The following SYT14 variants were observed in gnomAD, a reference collection of about 807,000 sequenced individuals.
The protein encoded by SYT14 is synaptotagmin 14.
A neutral mutation model predicts 74.2 loss-of-function variants in SYT14; 32 were observed. The ratio of observed to expected loss-of-function variants is 0.43; its 90% CI spans 0.33 to 0.58. The LOEUF is 0.58. SYT14 is among the 20% of genes least tolerant of loss of function. The pLI is 0.05. For missense variants in SYT14, 791 were observed against 981.8 expected, an observed-to-expected ratio of 0.81 and a Z score of 2.60; for synonymous variants, 298 against 337.7, an observed-to-expected ratio of 0.88 and a Z score of 1.29.
At chr1:210,161,389 C>A (rs1374735090) in exon 10 of SYT14, 2 of 457,346 alleles carry the variant, frequency 4.4e-6, no homozygotes, top group African/African-American at 4.0e-5. Flanking sequence ...TTTTAAAAAC[C>A]AGAATTTTAG....
chr1:210,074,622 C>T (rs936192900), intron 5 of SYT14, among the ~76,000 whole-genome samples: 2 of 152,216 alleles, frequency 1.3e-5, no homozygotes, highest in African/African-American at 4.8e-5. Flanking sequence ...TCTTTACTGT[C>T]GGAAGAAAAT....
intron 5 of SYT14, among the ~76,000 whole-genome samples, chr1:210,073,454 T>TA (rs907614067): frequency 3.9e-5 from 6 of 151,938 alleles, no homozygotes; most frequent in South Asian, 2.1e-4. Flanking sequence ...AATGAAAAAA[T>TA]AAAAAAAATC....
intron 5 of SYT14, among the ~76,000 whole-genome samples, chr1:210,092,513 A>G (rs1348522262): frequency 6.6e-6 from 1 of 152,224 alleles, no homozygotes; most frequent in Admixed American, 6.5e-5. Flanking sequence ...GAGTCAAGTC[A>G]GTCTGCCAGC....
chr1:210,027,987 A>G (rs924181815), intron 5 of SYT14, among the ~76,000 whole-genome samples: 10 of 152,170 alleles, frequency 6.6e-5, no homozygotes, highest in African/African-American at 7.2e-5. Context: ...TTGTACAACC[A>G]TCACCACTAT....
At chr1:209,985,126 C>T (rs909263271) in intron 2 of SYT14, among the ~76,000 whole-genome samples, 1 of 152,148 alleles carries the variant, frequency 6.6e-6, no homozygotes, top group Admixed American at 6.5e-5. Context: ...CCAATAGTCC[C>T]CCAAAGTTTT....
chr1:209,971,577 G>T (rs187466505), intron 2 of SYT14, among the ~76,000 whole-genome samples: 1 of 152,224 alleles, frequency 6.6e-6, no homozygotes, highest in Admixed American at 6.5e-5. Flanking sequence ...CTAGTTTGTT[G>T]AGGGTTTTTA....
At chr1:210,060,398 G>GT (rs372449870) in intron 5 of SYT14, among the ~76,000 whole-genome samples, 86,272 of 151,836 alleles carry the variant, frequency 0.57, 26,582 homozygotes, top group African/African-American at 0.82. Context: ...AAAATAAACT[G>GT]GTATGCGGTT....
At chr1:210,134,212 C>T (rs1238679178) in intron 7 of SYT14, among the ~76,000 whole-genome samples, 2 of 152,048 alleles carry the variant, frequency 1.3e-5, no homozygotes, top group African/African-American at 4.8e-5. Context: ...AAGCGATCCT[C>T]CCACCTCAGC....
chr1:210,093,579 G>A (rs2081916064), intron 5 of SYT14, among the ~76,000 whole-genome samples: 1 of 152,188 alleles, frequency 6.6e-6, no homozygotes, highest in Non-Finnish European at 1.5e-5. Flanking sequence ...GAAAGAAAAT[G>A]TGGTTTCATG....
At position 210,052,685 on chromosome 1, in the gene SYT14, G is replaced by T. The variant is rs1417630827; in HGVS notation, c.1312+31431G>T. ...CTCACCAAAAAAAAAAAAAAAAAAA[G>T]CTCTCCAAGCACAGAAACAACGGCA... On this transcript the variant is annotated intron_variant, in intron 5 of 9. Coordinates refer to ENST00000637265, the Ensembl canonical transcript of SYT14. 3.0e-4 allele frequency among the ~76,000 whole-genome samples: 14 copies of T among 47,314 alleles called. 1 individual carries two copies. The highest frequency in any genetic ancestry group is 5.9e-4 in the South Asian group (1 of 1,692). 31.0% of individuals were successfully genotyped at this position (47,314 alleles called of 152,430 possible).
exon 5 of SYT14, chr1:210,021,141 G>C: frequency 6.2e-7 from 1 of 1,613,988 alleles, no homozygotes; most frequent in Non-Finnish European, 8.5e-7. Flanking sequence ...CACAATTCCA[G>C]ACTACCACTG....
intron 6 of SYT14, among the ~76,000 whole-genome samples, chr1:210,095,036 C>A (rs938629289): frequency 6.6e-6 from 1 of 152,044 alleles, no homozygotes; most frequent in Admixed American, 6.6e-5. Flanking sequence ...TGATGATCAG[C>A]TTTACTAATG....
intron 7 of SYT14, among the ~76,000 whole-genome samples, chr1:210,117,301 G>T (rs1238957284): frequency 2.0e-5 from 3 of 152,046 alleles, no homozygotes; most frequent in African/African-American, 7.2e-5. Flanking sequence ...TAATTCAGAT[G>T]TGTGTCCCTA....
rs2080122548 is a variant in SYT14, at chr1:210,013,374, CCTGT to C, written c.-485-256_-485-253del. Among the ~76,000 whole-genome samples, 3 of 152,132 alleles carry C rather than the reference CCTGT, an allele frequency of 2.0e-5. No homozygotes were observed. In the South Asian group the frequency reaches 6.2e-4, roughly 31 times the overall value. ...TGTGAGCCACTGTGCCTGGCCGACT[CCTGT>C]CTTTCTTTTAAGATTGTTCCTATGA... On this transcript the variant is annotated intron_variant, in intron 2 of 9. Transcript: ENST00000637265.
chr1:210,093,065 A>C (rs971657109), intron 5 of SYT14, among the ~76,000 whole-genome samples: 2 of 151,584 alleles, frequency 1.3e-5, no homozygotes, highest in Non-Finnish European at 2.9e-5. Context: ...TTGAGAGATG[A>C]CTCTGTGGTT....
chr1:210,083,577 T>G (rs573384355), intron 5 of SYT14, among the ~76,000 whole-genome samples: 1 of 151,858 alleles, frequency 6.6e-6, no homozygotes, highest in South Asian at 2.1e-4. Flanking sequence ...ATTTTCAATT[T>G]TTTTTTTTTT....
At chr1:209,966,719 T>C (rs553052233) in intron 2 of SYT14, among the ~76,000 whole-genome samples, 1 of 152,318 alleles carries the variant, frequency 6.6e-6, no homozygotes, top group East Asian at 1.9e-4. Context: ...TTCTAGTAGC[T>C]TATTTTGTAG....
intron 5 of SYT14, among the ~76,000 whole-genome samples, chr1:210,054,761 T>C (rs1306931487): frequency 6.6e-6 from 1 of 152,198 alleles, no homozygotes; most frequent in Non-Finnish European, 1.5e-5. Flanking sequence ...CTCATTATCC[T>C]GCTTTTGTTG....
At chr1:210,169,286 A>C (rs968139654) in exon 10 of SYT14, 2 of 132,220 alleles carry the variant, frequency 1.5e-5, no homozygotes, top group African/African-American at 6.1e-5. Context: ...AAAAGGGAGA[A>C]ATCGTGCTTG....
Sources: allele counts gnomAD v4.1 joint callset (sites outside exome capture counted in the v4.1 genomes callset), GRCh38; gene constraint gnomAD v4.1.1; transcripts MANE v1.5; gene names NCBI Gene and HGNC (gene_info 2026-07-23, HGNC 2026-07-21).